Variants in DPP10 observed in about 807,000 individuals in gnomAD.
DPP10 encodes the protein inactive dipeptidyl peptidase 10.
In DPP10, 33 loss-of-function variants were observed where a neutral mutation model predicts 120.9. The ratio of observed to expected loss-of-function variants is 0.27; its 90% CI spans 0.21 to 0.37. The LOEUF (loss-of-function observed/expected upper bound fraction) is 0.37, where lower values mean the gene tolerates loss of function less well. DPP10 is among the 10% of genes least tolerant of loss of function. DPP10 has a pLI of 1.00. For synonymous variants in DPP10, 337 were observed against 326.1 expected (o/e 1.03, Z -0.36); for missense variants, 816 against 942.8 (o/e 0.87, Z 1.76).
intron 1 of DPP10, among the ~76,000 whole-genome samples, chr2:114,736,697 C>T (rs1198169729): frequency 6.6e-6 from 1 of 152,120 alleles, no homozygotes; most frequent in Non-Finnish European, 1.5e-5. Context: ...CAAAGATGAT[C>T]CAACTTTCCT....
intron 1 of DPP10, among the ~76,000 whole-genome samples, chr2:114,958,156 A>G (rs925564487): frequency 1.3e-5 from 2 of 152,214 alleles, no homozygotes; most frequent in Non-Finnish European, 2.9e-5. Flanking sequence ...TACAGAAATC[A>G]GAAGTGAGGC....
At chr2:115,665,568 G>T (rs1355756967) in intron 5 of DPP10, among the ~76,000 whole-genome samples, 8 of 152,122 alleles carry the variant, frequency 5.3e-5, no homozygotes, top group Non-Finnish European at 1.0e-4. Context: ...AACCTTGCTT[G>T]TTAGTGTTTC....
chr2:115,826,505 G>T (rs141180984), intron 21 of DPP10, among the ~76,000 whole-genome samples: 1 of 152,016 alleles, frequency 6.6e-6, no homozygotes, highest in Non-Finnish European at 1.5e-5. Flanking sequence ...TGGATCACCT[G>T]AGGTCAGGAG....
At chr2:115,374,832 G>A (rs2065668963) in intron 3 of DPP10, among the ~76,000 whole-genome samples, 1 of 152,230 alleles carries the variant, frequency 6.6e-6, no homozygotes, top group Non-Finnish European at 1.5e-5. Context: ...AAACTGGAGT[G>A]CTGGGATGTA....
rs17043379 is a variant in DPP10, at chr2:114,710,775, T to G, written c.60+267937T>G. Reference sequence around the variant, plus strand: ...ATAAAAAAAATTAAAAGCACAGATATGAAATGCAATTAAATTTTTCATGTA... The same window carrying G: ...ATAAAAAAAATTAAAAGCACAGATAGGAAATGCAATTAAATTTTTCATGTA... On this transcript the variant is annotated intron_variant, in intron 1 of 25. Coordinates refer to ENST00000410059, the MANE Select transcript of DPP10 (RefSeq NM_020868.6). Among the ~76,000 whole-genome samples, 1,020 of 152,126 alleles carry G rather than the reference T, an allele frequency of 6.7e-3. 11 individuals are homozygous for G. Among genetic ancestry groups the G allele is most frequent in the African/African-American group, 0.024 (982 of 41,526 alleles).
chr2:115,779,472 A>G (rs576688926), intron 15 of DPP10, among the ~76,000 whole-genome samples: 33 of 152,192 alleles, frequency 2.2e-4, no homozygotes, highest in African/African-American at 7.2e-4. Context: ...CTGCTACCGT[A>G]GTCATTGTTA....
chr2:115,621,538 A>G (rs2084942429), intron 5 of DPP10, among the ~76,000 whole-genome samples: 1 of 152,124 alleles, frequency 6.6e-6, no homozygotes, highest in African/African-American at 2.4e-5. Flanking sequence ...CACTTAAGGG[A>G]TATTTTTTAA....
intron 5 of DPP10, among the ~76,000 whole-genome samples, chr2:115,598,572 A>G (rs2083126933): frequency 2.0e-5 from 3 of 152,142 alleles, no homozygotes; most frequent in Admixed American, 1.3e-4. Flanking sequence ...TTGCAATCAT[A>G]TAACAGGTCA....
chr2:114,809,470 T>G (rs1252115561), intron 1 of DPP10, among the ~76,000 whole-genome samples: 3 of 152,234 alleles, frequency 2.0e-5, no homozygotes, highest in African/African-American at 7.2e-5. Flanking sequence ...ATAAAAGTAG[T>G]CGATGCTGGA....
At chr2:115,646,126 TTCTTTGCCC>T (rs1407389204) in intron 5 of DPP10, among the ~76,000 whole-genome samples, 1 of 151,652 alleles carries the variant, frequency 6.6e-6, no homozygotes, top group Non-Finnish European at 1.5e-5. Flanking sequence ...ACACACACAC[TTCTTTGCCC>T]TCTTTGCCTC....
intron 1 of DPP10, among the ~76,000 whole-genome samples, chr2:114,577,823 C>T (rs1457114072): frequency 6.6e-6 from 1 of 152,174 alleles, no homozygotes; most frequent in African/African-American, 2.4e-5. Flanking sequence ...AGAAGCATCA[C>T]CCTGATCTCT....
chr2:114,650,908 T>A (rs1003201836), intron 1 of DPP10, among the ~76,000 whole-genome samples: 9 of 152,182 alleles, frequency 5.9e-5, no homozygotes, highest in African/African-American at 2.2e-4. Context: ...AAAAATTCCC[T>A]CACCTTCTTT....
intron 1 of DPP10, among the ~76,000 whole-genome samples, chr2:114,566,003 C>T (rs2104977468): frequency 6.6e-6 from 1 of 152,210 alleles, no homozygotes; most frequent in South Asian, 2.1e-4. Flanking sequence ...AATATCTTTA[C>T]CCTTATGGGG....
At chr2:114,696,256 G>A (rs1700059673) in intron 1 of DPP10, among the ~76,000 whole-genome samples, 1 of 151,916 alleles carries the variant, frequency 6.6e-6, no homozygotes. Flanking sequence ...CCCTAAATTT[G>A]TCCATATGAA....
chr2:115,036,582 A>T (rs1470739586), intron 1 of DPP10, among the ~76,000 whole-genome samples: 4 of 152,190 alleles, frequency 2.6e-5, no homozygotes, highest in Non-Finnish European at 5.9e-5. Flanking sequence ...AAGGAGTGAG[A>T]TGCTTGCTCT....
intron 1 of DPP10, among the ~76,000 whole-genome samples, chr2:114,810,316 C>T (rs1685074146): frequency 1.3e-5 from 2 of 152,174 alleles, no homozygotes; most frequent in Non-Finnish European, 2.9e-5. Context: ...AATTCTGACG[C>T]ACAGATCAAA....
chr2:114,980,331 A>G (rs905499988), intron 1 of DPP10, among the ~76,000 whole-genome samples: 2 of 152,094 alleles, frequency 1.3e-5, no homozygotes, highest in African/African-American at 4.8e-5. Context: ...GTATCTTTAT[A>G]TGAGTAACTA....
chr2:115,315,411 T>C (rs1223184036), intron 2 of DPP10, among the ~76,000 whole-genome samples: 1 of 152,156 alleles, frequency 6.6e-6, no homozygotes, highest in Non-Finnish European at 1.5e-5. Flanking sequence ...GAATTCATTC[T>C]AGTTACTATT....
At chr2:115,156,656 T>C (rs2051934038) in intron 1 of DPP10, among the ~76,000 whole-genome samples, 1 of 152,192 alleles carries the variant, frequency 6.6e-6, no homozygotes, top group Non-Finnish European at 1.5e-5. Context: ...GAAGGCTCAG[T>C]AATATCGTAC....
Sources: allele counts gnomAD v4.1 joint callset (sites outside exome capture counted in the v4.1 genomes callset), GRCh38; gene constraint gnomAD v4.1.1; transcripts MANE v1.5; gene names NCBI Gene and HGNC (gene_info 2026-07-23, HGNC 2026-07-21).